The following PPP2R2D variants were observed in gnomAD, a reference collection of about 807,000 sequenced individuals.
PPP2R2D encodes serine/threonine-protein phosphatase 2A 55 kDa regulatory subunit B delta isoform.
PPP2R2D carries 9 observed loss-of-function variants against 31.1 expected under a neutral mutation model. The ratio of observed to expected loss-of-function variants is 0.29; its 90% CI spans 0.17 to 0.51. The LOEUF is 0.51. Ranked by LOEUF, PPP2R2D falls within the 20% of genes least tolerant of loss-of-function variation. The pLI, the probability that PPP2R2D is intolerant of heterozygous loss-of-function variation, is 0.98. For synonymous variants in PPP2R2D, 179 were observed against 172.6 expected (o/e 1.04, Z -0.29); for missense variants, 391 against 465.6 (o/e 0.84, Z 1.48).
the PPP2R2D span, chr10:131,966,786 G>C: frequency 1.3e-5 from 2 of 151,874 alleles, no homozygotes; most frequent in Non-Finnish European, 2.9e-5. Flanking sequence ...TTCTGGACTT[G>C]TGATCCTCCT....
At chr10:131,971,055 C>T in the PPP2R2D span, 75 of 1,242,094 alleles carry the variant, frequency 6.0e-5, no homozygotes, top group Middle Eastern at 2.1e-4. Flanking sequence ...GCTTCAGATC[C>T]GCAGGCTCAA....
rs1554897089 is a variant in PPP2R2D, at chr10:131,940,574, A to G, written c.365-8A>G. ...TTTTCATATGGAGAATGAGGTTTTT[A>G]TTTTCAGATAAAACTATAAAATTAT... On this transcript the variant is annotated splice_polypyrimidine_tract_variant and splice_region_variant and intron_variant, in intron 4 of 8. Transcript: ENST00000455566. 2.7e-6 allele frequency: 2 copies of G among 741,322 alleles called. No individual in the cohort carries two copies. The highest frequency in any genetic ancestry group is 1.9e-5 in the Admixed American group (1 of 52,760). The allele number at this position is 741,322 out of a possible 1,614,324, so 45.9% of individuals were successfully genotyped here.
chr10:131,970,612 A>G, the PPP2R2D span: 1 of 1,610,352 alleles, frequency 6.2e-7, no homozygotes, highest in Non-Finnish European at 8.5e-7. The surrounding 1 kb of genome is among the most constrained non-coding windows in gnomAD (Gnocchi z 4.1). Context: ...ATGCCATGAC[A>G]GGAGTCACAC....
At chr10:131,923,744 T>C (rs1027611909) in intron 2 of PPP2R2D, among the ~76,000 whole-genome samples, 6 of 152,180 alleles carry the variant, frequency 3.9e-5, no homozygotes, top group Non-Finnish European at 8.8e-5. Context: ...GAAAATTACA[T>C]TTTCAATTGG....
At chr10:131,968,005 A>ATAGT in the PPP2R2D span, 1 of 152,896 alleles carries the variant, frequency 6.5e-6, no homozygotes, top group Admixed American at 6.5e-5. Flanking sequence ...AACAATTAGC[A>ATAGT]TAGTTATATA....
chr10:131,942,057 T>C (rs1564821717), intron 5 of PPP2R2D, among the ~76,000 whole-genome samples: 1 of 152,188 alleles, frequency 6.6e-6, no homozygotes. Flanking sequence ...ATCATGAAAC[T>C]GCTGATCCTA....
chr10:131,965,069 G>A, the PPP2R2D span, among the ~76,000 whole-genome samples: 1 of 152,056 alleles, frequency 6.6e-6, no homozygotes, highest in Non-Finnish European at 1.5e-5. Flanking sequence ...AAATAATCCT[G>A]TATTTTGTCC....
At chr10:131,961,831 G>A (rs952967348), downstream of PPP2R2D, among the ~76,000 whole-genome samples, 1 of 147,688 alleles carries the variant, frequency 6.8e-6, no homozygotes, top group African/African-American at 2.5e-5. Flanking sequence ...GTCCTCCAGG[G>A]TTTTTTTTTT....
In PPP2R2D at chr10:131,947,844, G is replaced by T; in HGVS notation, c.1082+53G>T. 1.3e-6 allele frequency: 2 copies of T among 1,591,308 alleles called. No individual in the cohort carries two copies. The highest frequency in any genetic ancestry group is 8.6e-7 in the Non-Finnish European group (1 of 1,164,726). On this transcript the variant is annotated intron_variant, in intron 8 of 8. Coordinates refer to ENST00000455566, the MANE Select transcript of PPP2R2D (RefSeq NM_018461.5). This position sits in a 1 kb window ranked among gnomAD's most constrained non-coding sequence, Gnocchi z 4.3. ...GCCCCAAGCTTGCTGGTTTCCGAGAGTGCAAGGTCAGTGAGGGAGGCGAGC... is the reference window on the plus strand; with the variant it reads ...GCCCCAAGCTTGCTGGTTTCCGAGATTGCAAGGTCAGTGAGGGAGGCGAGC...
intron 2 of PPP2R2D, among the ~76,000 whole-genome samples, chr10:131,920,067 AGT>A (rs2035944320): frequency 6.6e-6 from 1 of 150,724 alleles, no homozygotes; most frequent in Non-Finnish European, 1.5e-5. Flanking sequence ...GGAATGACAC[AGT>A]GTTTGTAGGG....
At chr10:131,941,594 A>G (rs1315747473) in intron 5 of PPP2R2D, among the ~76,000 whole-genome samples, 1 of 152,124 alleles carries the variant, frequency 6.6e-6, no homozygotes, top group Non-Finnish European at 1.5e-5. Flanking sequence ...TTGGTTTTTA[A>G]TGAGATTTCA....
At chr10:131,943,638 C>T (rs1554897502) in intron 5 of PPP2R2D, among the ~76,000 whole-genome samples, 1 of 152,118 alleles carries the variant, frequency 6.6e-6, no homozygotes, top group African/African-American at 2.4e-5. Flanking sequence ...TGCTGTCCAG[C>T]GCCTCAGTGT....
intron 2 of PPP2R2D, among the ~76,000 whole-genome samples, chr10:131,929,120 C>T (rs1267367059): frequency 1.3e-5 from 2 of 152,194 alleles, no homozygotes; most frequent in Admixed American, 1.3e-4. Flanking sequence ...GTCATTGCCC[C>T]CTGTACTACC....
the PPP2R2D span, chr10:131,970,467 T>C: frequency 7.1e-6 from 7 of 979,026 alleles, no homozygotes; most frequent in Admixed American, 2.8e-5. The surrounding 1 kb of genome is among the most constrained non-coding windows in gnomAD (Gnocchi z 4.1). Context: ...CTTTGGGGGC[T>C]GCAGGCTGGT....
At chr10:131,968,502 C>G in the PPP2R2D span, 1 of 1,567,758 alleles carries the variant, frequency 6.4e-7, no homozygotes, top group Non-Finnish European at 8.8e-7. Flanking sequence ...ACTAACGAAC[C>G]AAGTCAGACT....
At chr10:131,940,480 C>T (rs1214784685) in intron 4 of PPP2R2D, 102 bp from the exon 5 acceptor site, 11 of 640,490 alleles carry the variant, frequency 1.7e-5, no homozygotes, top group Non-Finnish European at 2.8e-5. Flanking sequence ...TAGCTTATAA[C>T]CCAATATAGG....
At chr10:131,953,670 G>A (rs1396847619) in intron 8 of PPP2R2D, among the ~76,000 whole-genome samples, 5 of 126,382 alleles carry the variant, frequency 4.0e-5, no homozygotes, top group South Asian at 2.8e-4. Context: ...CCAAGTGTGC[G>A]GGGGGTTCAC....
chr10:131,905,208 A>G (rs956170838), intron 2 of PPP2R2D, among the ~76,000 whole-genome samples: 3 of 152,170 alleles, frequency 2.0e-5, no homozygotes, highest in Non-Finnish European at 2.9e-5. Context: ...AGGTGAGTTT[A>G]TATGCTGAGT....
rs2036085030 is a variant in PPP2R2D, at chr10:131,925,331, T to C, written c.101-9127T>C. Among the ~76,000 whole-genome samples, 4 of 152,320 alleles carry C rather than the reference T, an allele frequency of 2.6e-5. No homozygotes were observed. In the Middle Eastern group the frequency reaches 0.01, roughly 389 times the overall value. ...TGAGGAAGTTGCATTTTATTCTTAG[T>C]TGGTTGAGTGTTTTTATCATGAAAA... On this transcript the variant is annotated intron_variant, in intron 2 of 8. Coordinates refer to ENST00000455566, the MANE Select transcript of PPP2R2D (RefSeq NM_018461.5).
Sources: allele counts gnomAD v4.1 joint callset (sites outside exome capture counted in the v4.1 genomes callset), GRCh38; gene constraint gnomAD v4.1.1; non-coding constraint Gnocchi (gnomAD v3.1); transcripts MANE v1.5; gene names NCBI Gene and HGNC (gene_info 2026-07-23, HGNC 2026-07-21).